KIAA1217: variants seen among roughly 807,000 people sequenced by gnomAD.
KIAA1217 encodes the protein KIAA1217.
A neutral mutation model predicts 163.9 loss-of-function variants in KIAA1217; 88 were observed. The ratio of observed to expected loss-of-function variants is 0.54; its 90% CI spans 0.45 to 0.64. The LOEUF (loss-of-function observed/expected upper bound fraction) is 0.64, where lower values mean the gene tolerates loss of function less well. Among genes scored for constraint, KIAA1217 ranks in the 30% least tolerant of loss-of-function variants. KIAA1217 has a pLI of 0.00. For missense variants in KIAA1217, 2,372 were observed against 2,475.0 expected, an observed-to-expected ratio of 0.96 and a Z score of 0.88; for synonymous variants, 903 against 923.1, an observed-to-expected ratio of 0.98 and a Z score of 0.39.
At chr10:24,238,983 T>A (rs1001366731) in intron 2 of KIAA1217, 12 of 179,178 alleles carry the variant, frequency 6.7e-5, no homozygotes, top group Admixed American at 4.6e-4. Context: ...AAGGTTTCAT[T>A]AATGAACAAT....
intron 2 of KIAA1217, among the ~76,000 whole-genome samples, chr10:24,295,651 C>G (rs898376699): frequency 2.6e-5 from 4 of 152,172 alleles, no homozygotes; most frequent in African/African-American, 9.7e-5. Context: ...ATCCACACCT[C>G]CAACAGGCAT....
At chr10:23,816,773 T>G (rs1837331994) in intron 1 of KIAA1217, among the ~76,000 whole-genome samples, 1 of 152,186 alleles carries the variant, frequency 6.6e-6, no homozygotes, top group African/African-American at 2.4e-5. Context: ...GGTTAGAGAT[T>G]GACATTTCTG....
intron 1 of KIAA1217, among the ~76,000 whole-genome samples, chr10:23,728,332 T>C (rs1057475835): frequency 1.3e-5 from 2 of 152,152 alleles, no homozygotes; most frequent in Non-Finnish European, 2.9e-5. Flanking sequence ...ATCTGTTGTT[T>C]CCTGACTTTT....
In KIAA1217 at chr10:24,381,046, C is replaced by T. The variant is rs758801753; in HGVS notation, c.532C>T (p.Gln178Ter). Residue 178 changes from glutamine to a stop codon, truncating the protein, a stop_gained, in exon 3 of 21, where the codon CAG (glutamine) becomes TAG (stop). Transcript: ENST00000376454. LOFTEE classifies it high-confidence loss of function. ...CCTTCCTGTGGTGAGGTCAACCAAC[C>T]AGACGAAAGAAAGATCTCTGGGTAA... ...ASLPVVRSTN[Q>*]TKERSLGVLY... The T allele has an allele frequency of 6.3e-7, 1 of 1,575,236 alleles. No homozygotes were observed. The highest frequency in any genetic ancestry group is 1.9e-5 in the Admixed American group (1 of 53,880).
chr10:24,469,170 G>A (rs1225207410), intron 5 of KIAA1217, among the ~76,000 whole-genome samples: 1 of 152,034 alleles, frequency 6.6e-6, no homozygotes, highest in African/African-American at 2.4e-5. Context: ...GTGTCGCCCA[G>A]GTTGGAGTAC....
intron 1 of KIAA1217, among the ~76,000 whole-genome samples, chr10:23,815,509 T>C (rs1038928627): frequency 1.8e-4 from 28 of 152,094 alleles, no homozygotes; most frequent in Non-Finnish European, 3.7e-4. Context: ...CTGGGCGTGG[T>C]GGCAGGCGCC....
chr10:23,711,192 G>A (rs1161438776), intron 1 of KIAA1217, among the ~76,000 whole-genome samples: 1 of 152,150 alleles, frequency 6.6e-6, no homozygotes, highest in Non-Finnish European at 1.5e-5. Context: ...GTGGAATGAT[G>A]TTCCCTTAAC....
chr10:24,034,858 C>T (rs1216712261), intron 2 of KIAA1217, among the ~76,000 whole-genome samples: 1 of 151,262 alleles, frequency 6.6e-6, no homozygotes, highest in South Asian at 2.1e-4. Flanking sequence ...ATGTTGTTCT[C>T]CCAGATCAGA....
intron 1 of KIAA1217, among the ~76,000 whole-genome samples, chr10:23,770,219 T>C (rs1411805488): frequency 2.0e-5 from 3 of 152,194 alleles, no homozygotes; most frequent in Non-Finnish European, 4.4e-5. Flanking sequence ...ATGGCCATCT[T>C]TTTCACTGCT....
At chr10:24,311,449 G>A (rs1354336495) in intron 2 of KIAA1217, among the ~76,000 whole-genome samples, 11 of 152,228 alleles carry the variant, frequency 7.2e-5, no homozygotes, top group African/African-American at 2.7e-4. Flanking sequence ...GCGATGTTTG[G>A]CTACCCATTG....
intron 1 of KIAA1217, among the ~76,000 whole-genome samples, chr10:23,865,673 C>T (rs1302243047): frequency 1.3e-5 from 2 of 151,720 alleles, no homozygotes; most frequent in African/African-American, 4.8e-5. Context: ...TAATTTTTAA[C>T]GTTTAAATCT....
intron 2 of KIAA1217, among the ~76,000 whole-genome samples, chr10:24,172,816 TTC>T (rs1238340445): frequency 6.6e-6 from 1 of 152,248 alleles, no homozygotes; most frequent in African/African-American, 2.4e-5. Context: ...TGCTTTTCAC[TTC>T]TGTTTTCTCT....
intron 1 of KIAA1217, among the ~76,000 whole-genome samples, chr10:23,860,425 G>T (rs992052332): frequency 6.6e-6 from 1 of 151,966 alleles, no homozygotes; most frequent in African/African-American, 2.4e-5. Flanking sequence ...TCCCATCAGA[G>T]CTGACAAGAT....
intron 9 of KIAA1217, among the ~76,000 whole-genome samples, chr10:24,506,425 G>A (rs1021338912): frequency 6.6e-6 from 1 of 152,184 alleles, no homozygotes; most frequent in Admixed American, 6.5e-5. Flanking sequence ...GCATTTGCTA[G>A]TTTCTCCATG....
At chr10:24,502,836 A>T (rs1309856387) in intron 9 of KIAA1217, among the ~76,000 whole-genome samples, 2 of 152,094 alleles carry the variant, frequency 1.3e-5, no homozygotes, top group African/African-American at 4.8e-5. Flanking sequence ...ACTGAAAAAA[A>T]ATTAGCCAGG....
At chr10:24,096,995 A>G (rs142609576) in intron 2 of KIAA1217, among the ~76,000 whole-genome samples, 162 of 152,328 alleles carry the variant, frequency 1.1e-3, no homozygotes, top group African/African-American at 3.6e-3. Context: ...TGAGTAACAC[A>G]CAGTACAATA....
intron 5 of KIAA1217, among the ~76,000 whole-genome samples, chr10:24,465,261 A>G (rs1392133562): frequency 6.6e-6 from 1 of 152,220 alleles, no homozygotes; most frequent in Non-Finnish European, 1.5e-5. Flanking sequence ...GGCATCTGTT[A>G]CAACCACTTC....
intron 2 of KIAA1217, among the ~76,000 whole-genome samples, chr10:24,049,633 G>T (rs1425691607): frequency 6.6e-6 from 1 of 152,112 alleles, no homozygotes; most frequent in African/African-American, 2.4e-5. Context: ...CAAAGGACAT[G>T]AACTCATCCT....
intron 2 of KIAA1217, among the ~76,000 whole-genome samples, chr10:24,036,371 C>T (rs1322298086): frequency 2.6e-5 from 4 of 151,972 alleles, no homozygotes; most frequent in Non-Finnish European, 5.9e-5. Flanking sequence ...GTCAGGGAGG[C>T]CCAGAAGTAC....
Sources: allele counts gnomAD v4.1 joint callset (sites outside exome capture counted in the v4.1 genomes callset), GRCh38; gene constraint gnomAD v4.1.1; transcripts MANE v1.5; gene names NCBI Gene and HGNC (gene_info 2026-07-23, HGNC 2026-07-21).